IL1RAPL2: variants seen among roughly 807,000 people sequenced by gnomAD.
The protein encoded by IL1RAPL2 is interleukin 1 receptor accessory protein like 2.
A neutral mutation model predicts 44.1 loss-of-function variants in IL1RAPL2; 3 were observed. That is an observed-to-expected ratio of 0.07 (90% CI 0.03 to 0.18). IL1RAPL2 has a LOEUF of 0.18. Ranked by LOEUF, IL1RAPL2 falls within the 10% of genes least tolerant of loss-of-function variation. IL1RAPL2 has a pLI of 1.00. For synonymous variants in IL1RAPL2, 181 were observed against 178.8 expected (o/e 1.01, Z -0.10); for missense variants, 391 against 496.4 (o/e 0.79, Z 2.02).
At chrX:105,000,035 C>T (rs1015914261) in intron 2 of IL1RAPL2, among the ~76,000 whole-genome samples, 2 of 109,843 alleles carry the variant, frequency 1.8e-5, no homozygotes, top group Non-Finnish European at 3.8e-5. Flanking sequence ...TCCTCTATAG[C>T]TCCTCTGTCC....
At chrX:104,698,250 C>CA (rs1202267081) in intron 2 of IL1RAPL2, among the ~76,000 whole-genome samples, 2 of 112,453 alleles carry the variant, frequency 1.8e-5, no homozygotes, top group Non-Finnish European at 3.8e-5. Context: ...AGTGACATCT[C>CA]ATCAGTTTCG....
At chrX:105,034,962 G>T (rs1448825249) in intron 2 of IL1RAPL2, among the ~76,000 whole-genome samples, 1 of 105,230 alleles carries the variant, frequency 9.5e-6, no homozygotes, top group Non-Finnish European at 1.9e-5. Flanking sequence ...CCCCCAGCCT[G>T]GCTGCCACCT....
intron 6 of IL1RAPL2, among the ~76,000 whole-genome samples, chrX:105,572,110 A>G (rs1273567140): frequency 9.0e-6 from 1 of 111,651 alleles, no homozygotes; most frequent in African/African-American, 3.3e-5. Context: ...TGTGTACCTA[A>G]TTATATAATA....
intron 2 of IL1RAPL2, among the ~76,000 whole-genome samples, chrX:104,828,820 C>G (rs1014888895): frequency 8.9e-6 from 1 of 112,759 alleles, no homozygotes; most frequent in Non-Finnish European, 1.9e-5. Context: ...TTCAGAGATG[C>G]CCTGCCCAGA....
rs138314919 is a variant in IL1RAPL2, at chrX:105,229,254, G to C, written c.357-4564G>C. Among the ~76,000 whole-genome samples the C allele has an allele frequency of 2.3e-3, 258 of 112,083 alleles. 4 individuals are homozygous for C. In the East Asian group the frequency reaches 0.034, roughly 15 times the overall value. ...TAATGCAAGATTGTTAGCACGAACT[G>C]TGCCAGGGCTGGATTACACAACTAA... On this transcript the variant is annotated intron_variant, in intron 3 of 10. Transcript: ENST00000372582.
chrX:105,622,396 A>G (rs897749144), intron 6 of IL1RAPL2, among the ~76,000 whole-genome samples: 8 of 110,243 alleles, frequency 7.3e-5, no homozygotes, highest in Non-Finnish European at 7.6e-5. Context: ...ATCTAAGTAC[A>G]TAGGAGTTGT....
chrX:105,767,121 T>G lies in IL1RAPL2; in HGVS notation c.1521T>G (p.Ile507Met). 1 of 1,211,427 alleles carries G rather than the reference T, an allele frequency of 8.3e-7. No individual in the cohort carries two copies. The highest frequency in any genetic ancestry group is 1.1e-6 in the Non-Finnish European group (1 of 895,160). Residue 507 changes from isoleucine to methionine, a missense_variant, in exon 11 of 11, where the codon ATT becomes ATG. Transcript: ENST00000372582. ...GTGGAGAAATCAAAGTGATTTTGATTGAGTGTACAGAATTAAAAGGGAAAG... is the reference window on the plus strand; with the variant it reads ...GTGGAGAAATCAAAGTGATTTTGATGGAGTGTACAGAATTAAAAGGGAAAG... ...LVSGEIKVIL[I>M]ECTELKGKVN...
intron 2 of IL1RAPL2, among the ~76,000 whole-genome samples, chrX:104,676,549 A>C (rs1443535553): frequency 9.0e-6 from 1 of 111,319 alleles, no homozygotes; most frequent in Non-Finnish European, 1.9e-5. Flanking sequence ...CCTTCATTTC[A>C]ACTTTGGTGA....
At chrX:105,484,422 T>G in intron 6 of IL1RAPL2, 35 bp downstream of exon 6, 1 of 989,730 alleles carries the variant, frequency 1.0e-6, no homozygotes, top group Non-Finnish European at 1.4e-6. Context: ...CTTCCTAAAC[T>G]TGCCCTCTGT....
At chrX:105,014,628 T>C (rs1176433623) in intron 2 of IL1RAPL2, among the ~76,000 whole-genome samples, 1 of 112,381 alleles carries the variant, frequency 8.9e-6, no homozygotes, top group Non-Finnish European at 1.9e-5. Flanking sequence ...TCCATATGCC[T>C]GCAAAGGGCA....
At chrX:105,109,530 T>TA (rs1036503833) in intron 2 of IL1RAPL2, among the ~76,000 whole-genome samples, 14 of 111,433 alleles carry the variant, frequency 1.3e-4, no homozygotes, top group Non-Finnish European at 2.3e-4. Flanking sequence ...TTCCATTTAA[T>TA]AAAAAAAAGT....
intron 2 of IL1RAPL2, among the ~76,000 whole-genome samples, chrX:104,733,739 C>G (rs1022234412): frequency 9.1e-6 from 1 of 110,130 alleles, no homozygotes; most frequent in African/African-American, 3.3e-5. Flanking sequence ...TATAAAACTT[C>G]TAGAAAAACA....
chrX:104,713,506 C>G (rs1569301473), intron 2 of IL1RAPL2, among the ~76,000 whole-genome samples: 1 of 111,008 alleles, frequency 9.0e-6, no homozygotes, highest in Admixed American at 9.6e-5. Flanking sequence ...TATTTCTATA[C>G]TCAGAGGCAT....
At chrX:104,727,991 A>G (rs186786371) in intron 2 of IL1RAPL2, among the ~76,000 whole-genome samples, 1 of 110,692 alleles carries the variant, frequency 9.0e-6, no homozygotes, top group Non-Finnish European at 1.9e-5. Context: ...GAAATTACTT[A>G]ATGGGTAGAA....
At chrX:105,410,405 T>C (rs1349401831) in intron 5 of IL1RAPL2, among the ~76,000 whole-genome samples, 1 of 109,162 alleles carries the variant, frequency 9.2e-6, no homozygotes, top group Admixed American at 9.8e-5. Context: ...TAGTAAACTA[T>C]GCCAAATGTT....
intron 2 of IL1RAPL2, among the ~76,000 whole-genome samples, chrX:104,726,973 A>C (rs775450954): frequency 9.1e-6 from 1 of 110,115 alleles, no homozygotes; most frequent in African/African-American, 3.3e-5. Flanking sequence ...ACTTAAATGT[A>C]AGACCTGAAA....
At chrX:105,288,498 C>T (rs755556406) in intron 5 of IL1RAPL2, among the ~76,000 whole-genome samples, 75 of 109,996 alleles carry the variant, frequency 6.8e-4, no homozygotes, top group Non-Finnish European at 1.3e-3. Flanking sequence ...GATCCAGTTT[C>T]AGCTTTCTGC....
At chrX:104,907,519 T>C (rs1924056759) in intron 2 of IL1RAPL2, among the ~76,000 whole-genome samples, 1 of 111,947 alleles carries the variant, frequency 8.9e-6, no homozygotes, top group Non-Finnish European at 1.9e-5. Context: ...TTCTCGTTGG[T>C]TTCAAAGAAC....
intron 2 of IL1RAPL2, among the ~76,000 whole-genome samples, chrX:104,787,050 T>G: frequency 9.3e-6 from 1 of 107,918 alleles, no homozygotes; most frequent in East Asian, 3.0e-4. Flanking sequence ...GTAATAGCAC[T>G]TATTTATTCT....
Sources: allele counts gnomAD v4.1 joint callset (sites outside exome capture counted in the v4.1 genomes callset), GRCh38; gene constraint gnomAD v4.1.1; transcripts MANE v1.5; gene names NCBI Gene and HGNC (gene_info 2026-07-23, HGNC 2026-07-21).